The following APBB2 variants were observed in gnomAD, a reference collection of about 807,000 sequenced individuals.
The protein encoded by APBB2 is amyloid beta precursor protein binding family B member 2, also known as Fe65-like 1.
APBB2 carries 38 observed loss-of-function variants against 82.5 expected under a neutral mutation model. The observed-to-expected ratio is 0.46, with a 90% confidence interval of 0.36 to 0.60. The LOEUF is 0.60. APBB2 is among the 20% of genes least tolerant of loss of function. The pLI, the probability that APBB2 is intolerant of heterozygous loss-of-function variation, is 0.00. For synonymous variants in APBB2, 341 were observed against 368.2 expected (o/e 0.93, Z 0.85); for missense variants, 772 against 972.3 (o/e 0.79, Z 2.74).
At chr4:40,922,979 CT>C (rs5857757) in intron 10 of APBB2, among the ~76,000 whole-genome samples, 59,385 of 140,344 alleles carry the variant, frequency 0.42, 12,598 homozygotes, top group South Asian at 0.59. Context: ...CAATTTTTTT[CT>C]TTTTTTTTTT....
chr4:41,146,254 A>G (rs1453730540), intron 1 of APBB2, among the ~76,000 whole-genome samples: 1 of 143,452 alleles, frequency 7.0e-6, no homozygotes, highest in Non-Finnish European at 1.5e-5. Flanking sequence ...TGAACCCAGG[A>G]GGAGGAGATT....
intron 4 of APBB2, among the ~76,000 whole-genome samples, chr4:41,039,013 G>A (rs1202004174): frequency 1.3e-5 from 2 of 152,186 alleles, no homozygotes; most frequent in African/African-American, 4.8e-5. Context: ...GCAAAATGCT[G>A]AACAACTCTT....
chr4:40,861,946 T>C (rs1408300872), intron 12 of APBB2, among the ~76,000 whole-genome samples: 8 of 152,166 alleles, frequency 5.3e-5, no homozygotes, highest in African/African-American at 1.7e-4. Context: ...CTAATTAGAA[T>C]GAAATATCCC....
At chr4:41,003,468 T>C (rs1191158255) in intron 6 of APBB2, among the ~76,000 whole-genome samples, 1 of 152,174 alleles carries the variant, frequency 6.6e-6, no homozygotes, top group Non-Finnish European at 1.5e-5. Context: ...CCTCAGCATG[T>C]ATCATCTTAT....
intron 4 of APBB2, among the ~76,000 whole-genome samples, chr4:41,037,648 A>C (rs1402279304): frequency 6.6e-6 from 1 of 152,152 alleles, no homozygotes; most frequent in African/African-American, 2.4e-5. Flanking sequence ...GGTACTAGAA[A>C]ATTTTAAATT....
chr4:40,982,455 ATG>A (rs761783994), intron 6 of APBB2, among the ~76,000 whole-genome samples: 4,860 of 70,752 alleles, frequency 0.069, 736 homozygotes, highest in South Asian at 0.098. Context: ...GAAAGAAAGA[ATG>A]AATGAATTTG....
At chr4:40,841,527 C>T (rs1755803986) in intron 12 of APBB2, among the ~76,000 whole-genome samples, 1 of 152,038 alleles carries the variant, frequency 6.6e-6, no homozygotes, top group Admixed American at 6.6e-5. Flanking sequence ...GTGGTTCTAT[C>T]CTTCTTGTGG....
At chr4:40,929,502 T>C (rs1485128989) in intron 10 of APBB2, among the ~76,000 whole-genome samples, 1 of 152,178 alleles carries the variant, frequency 6.6e-6, no homozygotes, top group Non-Finnish European at 1.5e-5. Context: ...GGTTTCACCA[T>C]GTTAGCCAGG....
intron 1 of APBB2, among the ~76,000 whole-genome samples, chr4:41,151,623 G>C (rs756101587): frequency 3.1e-4 from 39 of 125,596 alleles, no homozygotes; most frequent in Non-Finnish European, 4.0e-4. Context: ...TTGAATGACA[G>C]CTTTTTTTGA....
chr4:40,942,685 G>A (rs1285625588), intron 7 of APBB2, among the ~76,000 whole-genome samples: 6 of 152,150 alleles, frequency 3.9e-5, no homozygotes, highest in African/African-American at 1.4e-4. Flanking sequence ...GAGGTGCCAA[G>A]GGTGTGCCCT....
intron 1 of APBB2, among the ~76,000 whole-genome samples, chr4:41,201,938 C>T (rs1231098828): frequency 6.6e-6 from 1 of 152,188 alleles, no homozygotes; most frequent in African/African-American, 2.4e-5. Context: ...GTGTCAAGTT[C>T]AGGTGAGTGG....
chr4:41,036,170 A>T (rs1719093968), intron 4 of APBB2, among the ~76,000 whole-genome samples: 1 of 152,184 alleles, frequency 6.6e-6, no homozygotes, highest in East Asian at 1.9e-4. Context: ...AAAAATAATT[A>T]AAAAATAAAA....
At chr4:40,935,197 G>C in intron 7 of APBB2, 58 bp from the exon 8 acceptor site, 20 of 1,008,608 alleles carry the variant, frequency 2.0e-5, no homozygotes, top group African/African-American at 2.2e-5. Flanking sequence ...AAAAAGAAAA[G>C]AAAAGAAAAA....
intron 12 of APBB2, among the ~76,000 whole-genome samples, chr4:40,854,321 G>A (rs1449046621): frequency 2.0e-5 from 3 of 152,160 alleles, no homozygotes; most frequent in East Asian, 1.9e-4. Context: ...ATGTTTTTCT[G>A]TGATCCTAGA....
chr4:41,082,593 T>TTAG (rs1177112248), intron 3 of APBB2, among the ~76,000 whole-genome samples: 1 of 150,854 alleles, frequency 6.6e-6, no homozygotes, highest in African/African-American at 2.4e-5. Flanking sequence ...TTTTTAAGAG[T>TTAG]TAGTGGTCCT....
At chr4:41,100,539 T>G (rs1467603518) in intron 3 of APBB2, 100 bp downstream of exon 3, 1 of 152,168 alleles carries the variant, frequency 6.6e-6, no homozygotes. Flanking sequence ...TAAAATTTAT[T>G]AAGCCAGGAA....
At chr4:40,881,528 C>CTTTTGTT in intron 12 of APBB2, 1 of 144,786 alleles carries the variant, frequency 6.9e-6, no homozygotes, top group Non-Finnish European at 1.1e-5. Flanking sequence ...CTTTTCTTTT[C>CTTTTGTT]TTTTTCTTTT....
At chr4:41,028,960 T>G (rs1180616336) in intron 5 of APBB2, among the ~76,000 whole-genome samples, 1 of 152,124 alleles carries the variant, frequency 6.6e-6, no homozygotes, top group Non-Finnish European at 1.5e-5. Context: ...AAAGAAAGAG[T>G]TTGTGAGTAA....
At chr4:40,839,976 G>GT (rs1330875628) in intron 12 of APBB2, among the ~76,000 whole-genome samples, 1 of 152,134 alleles carries the variant, frequency 6.6e-6, no homozygotes, top group Non-Finnish European at 1.5e-5. Flanking sequence ...CACGAGGGGT[G>GT]TTTTTTAATA....
Sources: allele counts gnomAD v4.1 joint callset (sites outside exome capture counted in the v4.1 genomes callset), GRCh38; gene constraint gnomAD v4.1.1; transcripts MANE v1.5; gene names NCBI Gene and HGNC (gene_info 2026-07-23, HGNC 2026-07-21).